The following VILL variants were observed in gnomAD, a reference collection of about 807,000 sequenced individuals.
VILL encodes villin-like protein.
Under a neutral mutation model 106.3 loss-of-function variants are expected in VILL, and 102 were observed. The observed-to-expected ratio is 0.96, with a 90% CI of 0.82 to 1.13. The LOEUF (loss-of-function observed/expected upper bound fraction) is 1.13, where lower values mean the gene tolerates loss of function less well. Among genes scored for constraint, VILL ranks in the 50% most tolerant of loss-of-function variants. The pLI is 0.00. For synonymous variants in VILL, 431 were observed against 440.3 expected (o/e 0.98, Z 0.27); for missense variants, 1,076 against 1,116.6 (o/e 0.96, Z 0.52).
chr3:38,000,938 G>A (rs766042181), intron 11 of VILL: 1 of 457,070 alleles, frequency 2.2e-6, no homozygotes, highest in South Asian at 1.5e-5. Context: ...CCTGGGATTT[G>A]ACCAGAGTCC....
At position 37,997,339 on chromosome 3, in the gene VILL, T is replaced by C. The variant is rs1223187088; in HGVS notation, c.562-144T>C. 7 of 1,145,046 alleles carry C rather than the reference T, an allele frequency of 6.1e-6. No homozygotes were observed. Among genetic ancestry groups the C allele is most frequent in the African/African-American group, 1.5e-5 (1 of 65,276 alleles). The allele number at this position is 1,145,046 out of a possible 1,614,324, so 70.9% of individuals were successfully genotyped here. On this transcript the variant is annotated intron_variant, in intron 6 of 19. Transcript: ENST00000383759. This position sits in a 1 kb window ranked among gnomAD's most constrained non-coding sequence, Gnocchi z 4.7. ...TTACAAGCTGAGTTCAGACCCTGCA[T>C]TGTTGGTGTCCCCCTGGATGCCAGG... is the stretch of plus-strand genomic sequence containing the variant.
intron 11 of VILL, among the ~76,000 whole-genome samples, chr3:37,999,975 G>A (rs561732296): frequency 3.3e-5 from 5 of 152,376 alleles, no homozygotes; most frequent in East Asian, 3.9e-4. Flanking sequence ...AGTGTCCTGC[G>A]AGACGCAGGG....
intron 5 of VILL, among the ~76,000 whole-genome samples, 189 bp downstream of exon 5, chr3:37,996,036 A>G (rs1480402781): frequency 1.3e-5 from 2 of 152,080 alleles, no homozygotes; most frequent in Admixed American, 6.5e-5. Context: ...TGCTCCCCGG[A>G]CCTTTTGTTT....
At chr3:38,006,879 G>A (rs1413041063) in intron 19 of VILL, 63 bp from the exon 20 acceptor site, 10 of 1,532,216 alleles carry the variant, frequency 6.5e-6, no homozygotes, top group South Asian at 1.2e-5. Flanking sequence ...ACTACTGAGT[G>A]GGGCAGGATT....
intron 4 of VILL, among the ~76,000 whole-genome samples, chr3:37,995,335 AACAC>A (rs1036776423): frequency 6.6e-6 from 1 of 152,376 alleles, no homozygotes; most frequent in Admixed American, 6.5e-5. Context: ...CAGATGCAGA[AACAC>A]ACACCACCCT....
chr3:38,003,386 G>T, intron 15 of VILL, 73 bp downstream of exon 15: 1 of 1,478,404 alleles, frequency 6.8e-7, no homozygotes, highest in Non-Finnish European at 9.0e-7. Flanking sequence ...TGGGTGACTG[G>T]GATTCACACA....
Position 37,998,791 on chromosome 3 carries a change from C to A in VILL, c.943-121C>A, listed in dbSNP as rs1699754567. Reference sequence around the variant, plus strand: ...GACAGAGTCAATTCGCTAAGTGGGTCATGAGCTCGGTTAATTAACGCTTCT... The same window carrying A: ...GACAGAGTCAATTCGCTAAGTGGGTAATGAGCTCGGTTAATTAACGCTTCT... On this transcript the variant is annotated intron_variant, in intron 9 of 19. Coordinates refer to ENST00000383759, the MANE Select transcript of VILL (RefSeq NM_015873.4). This position sits in a 1 kb window ranked among gnomAD's most constrained non-coding sequence, Gnocchi z 4.1. The A allele has an allele frequency of 1.4e-6, 2 of 1,436,916 alleles. No individual in the cohort carries two copies. Among genetic ancestry groups the A allele is most frequent in the African/African-American group, 1.4e-5 (1 of 69,556 alleles). 89.0% of individuals were successfully genotyped at this position (1,436,916 alleles called of 1,614,324 possible).
In VILL at chr3:37,994,348, G is replaced by A. The variant is rs1699662324; in HGVS notation, c.223G>A (p.Ala75Thr). The A allele has an allele frequency of 6.2e-7, 1 of 1,611,186 alleles. No homozygotes were observed. Among genetic ancestry groups the A allele is most frequent in the South Asian group, 1.1e-5 (1 of 91,032 alleles). The change falls in exon 4 of 20, where the codon GCT becomes ACT. Residue 75 changes from alanine (A) to threonine (T), a missense_variant. Transcript: ENST00000383759. ...GCAGGCGGGTGCGGAAGCGCAGGGC[G>A]CTGCGGAGGCCTTCCAGCAGCGCCT... ...GKQAGAEAQG[A>T]AEAFQQRLQD... is the part of the protein sequence containing the mutation.
Position 37,997,092 on chromosome 3 carries a change from A to G in VILL, c.466A>G (p.Asn156Asp), listed in dbSNP as rs575470452. Residue 156 changes from asparagine (N) to aspartate (D), a missense_variant, in exon 6 of 20, where the codon AAC becomes GAC. By Grantham distance (23) the Asn-to-Asp change is conservative. Transcript: ENST00000383759. The surrounding 1 kb of genome is among the most constrained non-coding windows in gnomAD (Gnocchi z 4.7). ...GCTCTGGCAGGTGGAGCTCTCCTGG[A>G]ACAGCTTTAATAAGGGTGACATCTT... ...VSATEVELSWNSFNKGDIFLL... is the reference protein window; with the variant it reads ...VSATEVELSWDSFNKGDIFLL... 6.2e-7 allele frequency: 1 copy of G among 1,614,012 alleles called. No individual in the cohort carries two copies. The highest frequency in any genetic ancestry group is 2.2e-5 in the East Asian group (1 of 44,874).
rs1478830127 is a variant in VILL at position 38,003,317 on chromosome 3, A to G, written c.1805+4A>G. ...CCCCCTACCCCAGCAACAAGAGGTA[A>G]CAGGGTTGGGAGGAGAGTGTTCTTA... On this transcript the variant is annotated splice_donor_region_variant and intron_variant, in intron 15 of 19. Coordinates refer to ENST00000383759, the MANE Select transcript of VILL (RefSeq NM_015873.4). 1 of 1,604,396 alleles carries G rather than the reference A, an allele frequency of 6.2e-7. No individual in the cohort carries two copies. The highest frequency in any genetic ancestry group is 1.1e-5 in the South Asian group (1 of 89,528).
Position 37,998,138 on chromosome 3 carries a change from C to T in VILL, c.813C>T (p.Pro271=). 6.2e-7 allele frequency: 1 copy of T among 1,613,874 alleles called. No homozygotes were observed. The highest frequency in any genetic ancestry group is 8.5e-7 in the Non-Finnish European group (1 of 1,179,912). The change falls in exon 8 of 20, where the codon CCC becomes CCT. Residue 271 remains proline, a synonymous_variant. Transcript: ENST00000383759. The surrounding 1 kb of genome is among the most constrained non-coding windows in gnomAD (Gnocchi z 4.1). ...TGGTGGTCCTGGAGTTGGCGACCCC[C>T]CCACTGACCCAGGACCTGCTGCAGG... ...KDLVVLELAT[P]PLTQDLLQEE... is the part of the protein sequence containing the mutation.
Position 37,997,349 on chromosome 3 carries a change from C to T in VILL, c.562-134C>T. ...AGTTCAGACCCTGCATTGTTGGTGT[C>T]CCCCTGGATGCCAGGATGAGGGGAC... On this transcript the variant is annotated intron_variant, in intron 6 of 19. Transcript: ENST00000383759. This position sits in a 1 kb window ranked among gnomAD's most constrained non-coding sequence, Gnocchi z 4.7. 8.5e-7 allele frequency: 1 copy of T among 1,171,148 alleles called. No homozygotes were observed. 72.5% of individuals were successfully genotyped at this position (1,171,148 alleles called of 1,614,324 possible). A position where few individuals can be genotyped will look rare whatever the true frequency, so the allele number is the denominator to read the frequency against.
In VILL at chr3:37,997,452, G is replaced by T. The variant is rs750181818; in HGVS notation, c.562-31G>T. The T allele has an allele frequency of 1.8e-5, 29 of 1,608,690 alleles. No individual in the cohort carries two copies. Among genetic ancestry groups the T allele is most frequent in the Non-Finnish European group, 2.4e-5 (28 of 1,178,338 alleles). ...CTCTGCTGTGAGAGGGCACACTGGTGACACCCTGACTCCCAGGTCCTCTCC... is the reference window on the plus strand; with the variant it reads ...CTCTGCTGTGAGAGGGCACACTGGTTACACCCTGACTCCCAGGTCCTCTCC... On this transcript the variant is annotated intron_variant, in intron 6 of 19. Coordinates refer to ENST00000383759, the MANE Select transcript of VILL (RefSeq NM_015873.4). The surrounding 1 kb of genome is among the most constrained non-coding windows in gnomAD (Gnocchi z 4.7).
chr3:38,004,297 G>A lies in VILL; in HGVS notation c.1848G>A (p.Glu616=), dbSNP rs1699874527. The A allele has an allele frequency of 6.2e-7, 1 of 1,613,744 alleles. No individual in the cohort carries two copies. The highest frequency in any genetic ancestry group is 1.1e-5 in the South Asian group (1 of 91,088). Residue 616 remains glutamate, a synonymous_variant, in exon 16 of 20, where the codon GAG becomes GAA. Coordinates refer to ENST00000383759, the MANE Select transcript of VILL (RefSeq NM_015873.4). ...CCAGCTTCCAGCCACGACTGTTTGA[G>A]TGCTCCAGCCACATGGGCTGCCTGG... is the stretch of plus-strand genomic sequence containing the variant. The part of the protein sequence containing the change: ...EVPSFQPRLF[E]CSSHMGCLVL...
intron 15 of VILL, 66 bp from the exon 16 acceptor site, chr3:38,004,189 G>A (rs878901581): frequency 6.4e-7 from 1 of 1,552,518 alleles, no homozygotes; most frequent in Non-Finnish European, 8.7e-7. Context: ...CTGGGGTGGG[G>A]CACTTGTGCC....
intron 5 of VILL, among the ~76,000 whole-genome samples, chr3:37,996,666 T>G (rs1699706891): frequency 6.6e-6 from 1 of 152,152 alleles, no homozygotes; most frequent in South Asian, 2.1e-4. Context: ...GCCCCATGTT[T>G]CTCCTATTAT....
chr3:37,992,407 A>G (rs1211596511), intron 1 of VILL, among the ~76,000 whole-genome samples: 1 of 152,144 alleles, frequency 6.6e-6, no homozygotes, highest in Non-Finnish European at 1.5e-5. Context: ...ACAGGCCATC[A>G]ACTGTGGCAA....
chr3:37,994,498 G>A, intron 4 of VILL, 32 bp downstream of exon 4: 1 of 1,596,900 alleles, frequency 6.3e-7, no homozygotes, highest in South Asian at 1.1e-5. Context: ...GCAGGAGGGA[G>A]CCGTGGAGGC....
Position 38,004,347 on chromosome 3 carries a change from G to T in VILL, c.1898G>T (p.Ser633Ile). The T allele has an allele frequency of 6.2e-7, 1 of 1,613,812 alleles. No homozygotes were observed. Among genetic ancestry groups the T allele is most frequent in the Non-Finnish European group, 8.5e-7 (1 of 1,179,680 alleles). Residue 633 changes from serine to isoleucine, a missense_variant, in exon 16 of 20, where the codon AGC becomes ATC. Coordinates refer to ENST00000383759, the MANE Select transcript of VILL (RefSeq NM_015873.4). ...CLVLAEVGFF[S>I]QEDLDKYDIM... ...GTCCTCGCAGAAGTGGGGTTCTTCAGCCAGGAGGACCTGGACAAGTATGAC... is the reference window on the plus strand; with the variant it reads ...GTCCTCGCAGAAGTGGGGTTCTTCATCCAGGAGGACCTGGACAAGTATGAC...
Sources: gnomAD v4.1 joint callset for allele counts (sites outside exome capture counted in the v4.1 genomes callset) on GRCh38, gnomAD v4.1.1 for gene constraint, Gnocchi (gnomAD v3.1) non-coding constraint, MANE v1.5 for transcripts, NCBI Gene and HGNC (gene_info 2026-07-23, HGNC 2026-07-21) for gene names.